The following SLC38A9 variants were observed in gnomAD, a reference collection of about 807,000 sequenced individuals.
SLC38A9 encodes the protein solute carrier family 38 member 9.
In SLC38A9, 48 loss-of-function variants were observed where a neutral mutation model predicts 62.3. The observed-to-expected ratio is 0.77, with a 90% CI of 0.61 to 0.98. The LOEUF (loss-of-function observed/expected upper bound fraction) is 0.98. Among genes scored for constraint, SLC38A9 ranks in the 50% least tolerant of loss-of-function variants. The pLI is 0.00. For synonymous variants in SLC38A9, 204 were observed against 227.7 expected, an observed-to-expected ratio of 0.90 and a Z score of 0.94; for missense variants, 541 against 679.8, an observed-to-expected ratio of 0.80 and a Z score of 2.27.
intron 10 of SLC38A9, among the ~76,000 whole-genome samples, chr5:55,649,851 G>GA (rs11410816): frequency 0.042 from 6,389 of 151,866 alleles, 212 homozygotes; most frequent in African/African-American, 0.091. Context: ...AAGAAAAGAA[G>GA]AATCAGATGA....
chr5:55,637,364 G>A (rs1481973718), intron 12 of SLC38A9, among the ~76,000 whole-genome samples: 1 of 152,126 alleles, frequency 6.6e-6, no homozygotes, highest in East Asian at 1.9e-4. Flanking sequence ...CTGTTCTCAC[G>A]GCACTATATA....
intron 3 of SLC38A9, among the ~76,000 whole-genome samples, chr5:55,695,508 G>A (rs1197168477): frequency 3.0e-5 from 3 of 99,254 alleles, no homozygotes; most frequent in African/African-American, 6.5e-5. Flanking sequence ...GTTTAACAAA[G>A]CACATCTTGC....
At chr5:55,694,460 A>G (rs1203643314) in intron 3 of SLC38A9, among the ~76,000 whole-genome samples, 1 of 150,678 alleles carries the variant, frequency 6.6e-6, no homozygotes, top group Admixed American at 6.6e-5. Flanking sequence ...TTACAGCACC[A>G]GGGTTCTTAA....
intron 2 of SLC38A9, among the ~76,000 whole-genome samples, chr5:55,710,088 A>C (rs1757815676): frequency 6.7e-6 from 1 of 150,076 alleles, no homozygotes; most frequent in Admixed American, 6.6e-5. Flanking sequence ...AAAAAAAAGA[A>C]AAAAAAAAGA....
intron 3 of SLC38A9, among the ~76,000 whole-genome samples, chr5:55,683,498 T>C (rs1323151337): frequency 1.3e-5 from 2 of 152,238 alleles, no homozygotes; most frequent in Non-Finnish European, 2.9e-5. Context: ...TGTCTACATT[T>C]AAGATAATCA....
rs769465008 is a variant in SLC38A9 at position 55,678,138 on chromosome 5, G to GTTTTTTTTTTTTTTTTTTTTTTT, written c.114-5444_114-5443insAAAAAAAAAAAAAAAAAAAAAAA. 3.9e-5 allele frequency among the ~76,000 whole-genome samples: 5 copies of GTTTTTTTTTTTTTTTTTTTTTTT among 129,444 alleles called. 2 individuals are homozygous for GTTTTTTTTTTTTTTTTTTTTTTT. Among genetic ancestry groups the GTTTTTTTTTTTTTTTTTTTTTTT allele is most frequent in the Non-Finnish European group, 6.5e-5 (4 of 61,860 alleles). The allele number at this position is 129,444 out of a possible 152,430, so 84.9% of individuals were successfully genotyped here. On this transcript the variant is annotated intron_variant, in intron 3 of 15. Coordinates refer to ENST00000396865, the MANE Select transcript of SLC38A9 (RefSeq NM_173514.4). ...CCACAAAAGGTGAACAAGGTTACTG[G>GTTTTTTTTTTTTTTTTTTTTTTT]TTTTTTTTTCTTTTTTTGAGACAGT...
rs1057162616 is a variant in SLC38A9, at chr5:55,687,683, A to AT, written c.113+10162dup. 2.0e-5 allele frequency among the ~76,000 whole-genome samples: 3 copies of AT among 151,788 alleles called. No individual in the cohort carries two copies. The South Asian group carries it at 6.3e-4, about 32-fold the overall frequency. On this transcript the variant is annotated intron_variant, in intron 3 of 15. Coordinates refer to ENST00000396865, the MANE Select transcript of SLC38A9 (RefSeq NM_173514.4). ...TAATTAGCTGTATTCCTAGTATTTTATTTTTTTATTATGTATTTATGTATT... is the reference window on the plus strand; with the variant it reads ...TAATTAGCTGTATTCCTAGTATTTTATTTTTTTTATTATGTATTTATGTATT...
At chr5:55,678,153 T>TTTTTTTTTTTA in intron 3 of SLC38A9, among the ~76,000 whole-genome samples, 1 of 149,824 alleles carries the variant, frequency 6.7e-6, no homozygotes. Context: ...TTTTTCTTTT[T>TTTTTTTTTTTA]TTGAGACAGT....
chr5:55,646,163 G>A (rs1746303200), intron 11 of SLC38A9, among the ~76,000 whole-genome samples: 2 of 152,192 alleles, frequency 1.3e-5, no homozygotes, highest in Admixed American at 6.5e-5. Flanking sequence ...ATCACCTGAG[G>A]TAAGGAGTTT....
At chr5:55,669,905 T>G in intron 4 of SLC38A9, 26 bp from the exon 5 acceptor site, 2 of 1,569,020 alleles carry the variant, frequency 1.3e-6, no homozygotes, top group Non-Finnish European at 1.7e-6. Flanking sequence ...CATAGATAAA[T>G]TTCAGAACCA....
chr5:55,699,648 A>ACTGTT (rs1756386091), intron 2 of SLC38A9, among the ~76,000 whole-genome samples: 1 of 152,244 alleles, frequency 6.6e-6, no homozygotes, highest in Non-Finnish European at 1.5e-5. Context: ...CCTATGTTTA[A>ACTGTT]ATAAATAACA....
intron 11 of SLC38A9, among the ~76,000 whole-genome samples, chr5:55,646,624 C>T (rs1199174464): frequency 6.6e-6 from 1 of 152,110 alleles, no homozygotes; most frequent in African/African-American, 2.4e-5. Flanking sequence ...TAAGTGTCCA[C>T]CTACAGAGGA....
chr5:55,639,399 C>CT (rs1745035927), intron 12 of SLC38A9, among the ~76,000 whole-genome samples: 1 of 151,762 alleles, frequency 6.6e-6, no homozygotes, highest in Non-Finnish European at 1.5e-5. Flanking sequence ...AATTTGCTCA[C>CT]TACACCTATT....
chr5:55,635,696 C>T lies in SLC38A9; in HGVS notation c.1168-39G>A, dbSNP rs368120618. 19 of 1,379,774 alleles carry T rather than the reference C, an allele frequency of 1.4e-5. No homozygotes were observed. The Admixed American group carries it at 3.2e-4, about 23-fold the overall frequency. 85.5% of individuals were successfully genotyped at this position (1,379,774 alleles called of 1,614,324 possible). A position where few individuals can be genotyped will look rare whatever the true frequency, so the allele number is the denominator to read the frequency against. On this transcript the variant is annotated intron_variant, in intron 12 of 15. Transcript: ENST00000396865. ...ACAAAAGTCCCATAATACTGAAGAA[C>T]CTTGTAGTAAGTCTACCTTAATAGG... is the stretch of plus-strand genomic sequence containing the variant.
At chr5:55,641,135 C>T (rs1225982473) in intron 12 of SLC38A9, among the ~76,000 whole-genome samples, 8 of 152,106 alleles carry the variant, frequency 5.3e-5, no homozygotes, top group East Asian at 3.9e-4. Context: ...CCACCATGCC[C>T]GGCCAACATC....
Position 55,628,011 on chromosome 5 carries a change from G to GA in SLC38A9, c.1431-32dup, listed in dbSNP as rs778096236. 8.0e-6 allele frequency: 12 copies of GA among 1,501,628 alleles called. No individual in the cohort carries two copies. The African/African-American group carries it at 1.1e-4, about 14-fold the overall frequency. The allele number at this position is 1,501,628 out of a possible 1,614,324, so 93.0% of individuals were successfully genotyped here. Reference sequence around the variant, plus strand: ...AGTTGAGAAGAGAGTTTGGAAGAAAGAAAAAATATAAAAATAGGCAAATTA... The same window carrying GA: ...AGTTGAGAAGAGAGTTTGGAAGAAAGAAAAAAATATAAAAATAGGCAAATTA... On this transcript the variant is annotated intron_variant, in intron 14 of 15. Transcript: ENST00000396865.
chr5:55,669,061 ATAT>A, intron 7 of SLC38A9, 164 bp downstream of exon 7: 1 of 427,920 alleles, frequency 2.3e-6, no homozygotes, highest in Non-Finnish European at 4.1e-6. Context: ...CAGCCACTAA[ATAT>A]TATTAGCAAA....
intron 15 of SLC38A9, among the ~76,000 whole-genome samples, chr5:55,627,241 C>T (rs190702433): frequency 9.7e-4 from 148 of 152,206 alleles, no homozygotes; most frequent in Non-Finnish European, 1.9e-3. Context: ...AACAATCTCC[C>T]CTTCTTGTTC....
At chr5:55,680,479 G>T (rs1012547017) in intron 3 of SLC38A9, among the ~76,000 whole-genome samples, 1 of 152,238 alleles carries the variant, frequency 6.6e-6, no homozygotes, top group African/African-American at 2.4e-5. Context: ...TTACAAAAGA[G>T]GCTTAGCATA....
Sources: gnomAD v4.1 joint callset for allele counts (sites outside exome capture counted in the v4.1 genomes callset) on GRCh38, gnomAD v4.1.1 for gene constraint, MANE v1.5 for transcripts, NCBI Gene and HGNC (gene_info 2026-07-23, HGNC 2026-07-21) for gene names.